The following ANKRD42 variants were observed in gnomAD, a reference collection of about 807,000 sequenced individuals.
ANKRD42 encodes ankyrin repeat domain-containing protein 42.
A neutral mutation model predicts 51.5 loss-of-function variants in ANKRD42; 43 were observed. The ratio of observed to expected loss-of-function variants is 0.83; its 90% CI spans 0.65 to 1.08. ANKRD42 has a LOEUF of 1.08. Among genes scored for constraint, ANKRD42 ranks in the 50% least tolerant of loss-of-function variants. The pLI, the probability that ANKRD42 is intolerant of heterozygous loss-of-function variation, is 0.00. For missense variants in ANKRD42, 608 were observed against 629.3 expected, an observed-to-expected ratio of 0.97 and a Z score of 0.36; for synonymous variants, 203 against 213.0, an observed-to-expected ratio of 0.95 and a Z score of 0.41.
chr11:83,250,222 C>G (rs1303663102), downstream of ANKRD42, among the ~76,000 whole-genome samples: 1 of 152,082 alleles, frequency 6.6e-6, no homozygotes, highest in Non-Finnish European at 1.5e-5. Context: ...ACTACTGTAC[C>G]TTAAGATCCT....
chr11:83,260,660 AT>A (rs1442420931), downstream of ANKRD42: 1 of 152,236 alleles, frequency 6.6e-6, no homozygotes, highest in African/African-American at 2.4e-5. Context: ...TCAAACTTTT[AT>A]AGCTATTACC....
intron 5 of ANKRD42, chr11:83,213,223 C>A: frequency 6.3e-7 from 1 of 1,599,314 alleles, no homozygotes; most frequent in South Asian, 1.1e-5. Context: ...TGCCTACTGA[C>A]TTCTGGAAGT....
chr11:83,204,183 T>G (rs1306472193), intron 2 of ANKRD42, among the ~76,000 whole-genome samples: 1 of 152,242 alleles, frequency 6.6e-6, no homozygotes, highest in South Asian at 2.1e-4. Flanking sequence ...CTTTAAATGA[T>G]CCACCTGCCA....
intron 1 of ANKRD42, among the ~76,000 whole-genome samples, chr11:83,197,105 G>T (rs1370252505): frequency 6.6e-6 from 1 of 152,160 alleles, no homozygotes; most frequent in South Asian, 2.1e-4. Flanking sequence ...ATGTGTACAT[G>T]TGCACACCTT....
chr11:83,224,572 G>T (rs1862814599), intron 5 of ANKRD42, among the ~76,000 whole-genome samples: 1 of 152,096 alleles, frequency 6.6e-6, no homozygotes, highest in South Asian at 2.1e-4. Flanking sequence ...TCCCTATAAG[G>T]AATAGAGCTA....
chr11:83,245,945 C>G (rs990500603), intron 10 of ANKRD42, among the ~76,000 whole-genome samples: 3 of 152,326 alleles, frequency 2.0e-5, no homozygotes, highest in Admixed American at 6.5e-5. Flanking sequence ...ACATTTTCAT[C>G]AGGCTACACT....
chr11:83,209,193 T>A (rs1205628484), intron 3 of ANKRD42, among the ~76,000 whole-genome samples: 1 of 152,254 alleles, frequency 6.6e-6, no homozygotes. Flanking sequence ...AGAATTTAAC[T>A]TAGCGGCAAT....
intron 3 of ANKRD42, among the ~76,000 whole-genome samples, chr11:83,208,365 TTGTGTG>T (rs747551565): frequency 1.3e-5 from 2 of 150,292 alleles, no homozygotes; most frequent in East Asian, 1.9e-4. Context: ...GTGTGTGTGT[TTGTGTG>T]TGTGTGTGTG....
At chr11:83,256,460 T>C (rs1179535284), downstream of ANKRD42, among the ~76,000 whole-genome samples, 1 of 152,170 alleles carries the variant, frequency 6.6e-6, no homozygotes, top group African/African-American at 2.4e-5. Flanking sequence ...CTTTTTCTCC[T>C]TGATCTTAAA....
intron 5 of ANKRD42, among the ~76,000 whole-genome samples, chr11:83,222,122 C>T (rs1200133594): frequency 1.3e-5 from 2 of 152,188 alleles, no homozygotes; most frequent in Non-Finnish European, 2.9e-5. Context: ...AGTTTTTTCA[C>T]TTGACTGTGG....
At chr11:83,263,905 A>C (rs1864082337), downstream of ANKRD42, among the ~76,000 whole-genome samples, 1 of 152,214 alleles carries the variant, frequency 6.6e-6, no homozygotes, top group African/African-American at 2.4e-5. Flanking sequence ...CTCCATCTTC[A>C]ACCCTGCTGG....
At chr11:83,216,388 A>G (rs1373083252) in intron 5 of ANKRD42, among the ~76,000 whole-genome samples, 1 of 151,688 alleles carries the variant, frequency 6.6e-6, no homozygotes, top group African/African-American at 2.4e-5. Context: ...CAGTGGCGCA[A>G]TCTCGGCTCA....
At chr11:83,237,952 T>C (rs543478239) in intron 8 of ANKRD42, among the ~76,000 whole-genome samples, 1 of 152,354 alleles carries the variant, frequency 6.6e-6, no homozygotes, top group African/African-American at 2.4e-5. Flanking sequence ...GTTTGCATTT[T>C]CTAGAGTTTT....
At position 83,248,614 on chromosome 11, in the gene ANKRD42, G is replaced by A. The variant is rs1028437831; in HGVS notation, c.*410G>A. ...GATGAATTAATTCTGTTTGAGGCTTGTGTCACCTCAAATCTGATCTATTAA... is the reference window on the plus strand; with the variant it reads ...GATGAATTAATTCTGTTTGAGGCTTATGTCACCTCAAATCTGATCTATTAA... On this transcript the variant is annotated 3_prime_UTR_variant, in exon 11 of 11. Coordinates refer to ENST00000533342, the MANE Select transcript of ANKRD42 (RefSeq NM_001300975.2). 32 of 986,810 alleles carry A rather than the reference G, an allele frequency of 3.2e-5. No individual in the cohort carries two copies. The highest frequency in any genetic ancestry group is 6.1e-5 in the Admixed American group (1 of 16,328). 61.1% of individuals were successfully genotyped at this position (986,810 alleles called of 1,614,324 possible).
downstream of ANKRD42, chr11:83,262,029 G>T: frequency 3.5e-6 from 4 of 1,141,790 alleles, no homozygotes; most frequent in African/African-American, 1.6e-5. Flanking sequence ...GAGATAAAGA[G>T]AATAATGTTA....
At chr11:83,205,130 T>C (rs1263148682) in intron 2 of ANKRD42, among the ~76,000 whole-genome samples, 1 of 152,204 alleles carries the variant, frequency 6.6e-6, no homozygotes, top group Admixed American at 6.5e-5. Flanking sequence ...AAATATATAC[T>C]TATTTTATGT....
rs117855617 is a variant in ANKRD42, at chr11:83,229,130, C to G, written c.913+1258C>G. Reference sequence around the variant, plus strand: ...AGGTTTGGTTTTTTTTGAGGCTTCTCTCTTTGGCTTATAGATGACCTGCTG... The same window carrying G: ...AGGTTTGGTTTTTTTTGAGGCTTCTGTCTTTGGCTTATAGATGACCTGCTG... On this transcript the variant is annotated intron_variant, in intron 7 of 10. Transcript: ENST00000533342. Among the ~76,000 whole-genome samples the G allele has an allele frequency of 7.2e-3, 1,101 of 151,896 alleles. 7 individuals carry two copies. The highest frequency in any genetic ancestry group is 9.0e-3 in the Non-Finnish European group (612 of 67,956).
intron 5 of ANKRD42, chr11:83,212,595 A>G: frequency 7.4e-7 from 1 of 1,344,684 alleles, no homozygotes. Flanking sequence ...AAACAAACAC[A>G]CAAAGGGGAA....
At chr11:83,247,230 CT>C (rs761085936) in intron 10 of ANKRD42, among the ~76,000 whole-genome samples, 33 of 147,552 alleles carry the variant, frequency 2.2e-4, no homozygotes, top group Non-Finnish European at 3.0e-4. Flanking sequence ...CTACTAATGA[CT>C]TTTTTTTTTG....
Sources: allele counts gnomAD v4.1 joint callset (sites outside exome capture counted in the v4.1 genomes callset), GRCh38; gene constraint gnomAD v4.1.1; transcripts MANE v1.5; gene names NCBI Gene and HGNC (gene_info 2026-07-23, HGNC 2026-07-21).